RBMS3: variants seen among roughly 807,000 people sequenced by gnomAD.
RBMS3 encodes RNA-binding motif, single-stranded-interacting protein 3.
A neutral mutation model predicts 66.8 loss-of-function variants in RBMS3; 27 were observed. The observed-to-expected ratio is 0.40, with a 90% CI of 0.30 to 0.56. The LOEUF is 0.56. Among genes scored for constraint, RBMS3 ranks in the 20% least tolerant of loss-of-function variants. RBMS3 has a pLI of 0.40. For synonymous variants in RBMS3, 188 were observed against 183.0 expected, an observed-to-expected ratio of 1.03 and a Z score of -0.22; for missense variants, 513 against 549.5, an observed-to-expected ratio of 0.93 and a Z score of 0.66.
chr3:29,662,690 C>T (rs1398947565), intron 4 of RBMS3, among the ~76,000 whole-genome samples: 2 of 152,138 alleles, frequency 1.3e-5, no homozygotes, highest in Admixed American at 6.5e-5. Context: ...ATCCTATCCA[C>T]GTGATTCTAC....
At chr3:29,798,530 A>C (rs2057288185) in intron 6 of RBMS3, among the ~76,000 whole-genome samples, 1 of 152,142 alleles carries the variant, frequency 6.6e-6, no homozygotes, top group African/African-American at 2.4e-5. Context: ...CTCTTCTTTT[A>C]ATTTATTGGC....
At chr3:29,980,434 T>C (rs1697909462) in intron 12 of RBMS3, among the ~76,000 whole-genome samples, 1 of 152,210 alleles carries the variant, frequency 6.6e-6, no homozygotes, top group African/African-American at 2.4e-5. Flanking sequence ...CTCTTTAGTT[T>C]AATTAGATTC....
chr3:29,822,143 C>CT (rs915188312), intron 6 of RBMS3, among the ~76,000 whole-genome samples: 5 of 152,140 alleles, frequency 3.3e-5, no homozygotes, highest in Non-Finnish European at 7.4e-5. Context: ...AGGTGCTTCT[C>CT]TTTTTTTCAC....
chr3:29,573,473 A>G (rs981917501), intron 3 of RBMS3, among the ~76,000 whole-genome samples: 38 of 151,312 alleles, frequency 2.5e-4, no homozygotes, highest in African/African-American at 8.7e-4. Flanking sequence ...TTTTTTCTTC[A>G]TTAGTCTGGC....
chr3:29,539,788 T>C (rs6775407), intron 3 of RBMS3, among the ~76,000 whole-genome samples: 46,243 of 152,086 alleles, frequency 0.3, 8,704 homozygotes, highest in African/African-American at 0.52. Flanking sequence ...AGTTCAACAT[T>C]ATCAAAATTT....
chr3:29,550,260 A>G (rs192460462), intron 3 of RBMS3, among the ~76,000 whole-genome samples: 1 of 152,324 alleles, frequency 6.6e-6, no homozygotes, highest in African/African-American at 2.4e-5. Context: ...ACTCCCTTCC[A>G]TCTGGTAAGT....
intron 3 of RBMS3, among the ~76,000 whole-genome samples, chr3:29,536,803 C>G (rs949754052): frequency 6.6e-6 from 1 of 152,200 alleles, no homozygotes; most frequent in African/African-American, 2.4e-5. Context: ...GCCTGTGTCT[C>G]TTGCTACTTA....
chr3:29,288,894 C>A (rs12486191), intron 1 of RBMS3, among the ~76,000 whole-genome samples: 7,214 of 152,022 alleles, frequency 0.047, 223 homozygotes, highest in South Asian at 0.075. Context: ...GGCATATAAA[C>A]AAGAACATTA....
chr3:29,750,027 A>G (rs2055101266), intron 5 of RBMS3, among the ~76,000 whole-genome samples: 1 of 152,240 alleles, frequency 6.6e-6, no homozygotes, highest in Non-Finnish European at 1.5e-5. Context: ...AGCTATGAAT[A>G]GCTGAAAAGA....
intron 6 of RBMS3, among the ~76,000 whole-genome samples, chr3:29,771,860 G>A (rs2149396080): frequency 6.6e-6 from 1 of 152,074 alleles, no homozygotes; most frequent in African/African-American, 2.4e-5. Context: ...CAGATCTTGT[G>A]AGAACTCATT....
At chr3:29,365,047 C>T (rs531036216) in intron 1 of RBMS3, among the ~76,000 whole-genome samples, 29 of 152,080 alleles carry the variant, frequency 1.9e-4, no homozygotes, top group African/African-American at 7.0e-4. Context: ...AATGGAATAT[C>T]GTATAAAATT....
chr3:29,497,140 G>T (rs998500112), intron 3 of RBMS3, among the ~76,000 whole-genome samples: 2 of 151,954 alleles, frequency 1.3e-5, no homozygotes, highest in Non-Finnish European at 2.9e-5. Context: ...CTCTCAGGTA[G>T]CTGGGACTAC....
chr3:29,930,097 T>TTTTCTTTA (rs1553702192), intron 10 of RBMS3, among the ~76,000 whole-genome samples: 25 of 75,152 alleles, frequency 3.3e-4, no homozygotes, highest in Middle Eastern at 9.3e-3. Context: ...TTTGTGTCAC[T>TTTTCTTTA]TTTCTTTCTT....
chr3:29,612,237 T>C (rs2048517913), intron 4 of RBMS3, among the ~76,000 whole-genome samples: 1 of 152,078 alleles, frequency 6.6e-6, no homozygotes, highest in Admixed American at 6.6e-5. Context: ...ATTGCACATA[T>C]ATATATTTTC....
chr3:29,915,356 A>C (rs13061629), intron 10 of RBMS3, among the ~76,000 whole-genome samples: 2,066 of 151,944 alleles, frequency 0.014, 22 homozygotes, highest in East Asian at 0.077. Flanking sequence ...ATGTGTTTCC[A>C]ATGGCCAACT....
intron 6 of RBMS3, among the ~76,000 whole-genome samples, chr3:29,818,949 A>G (rs1002380573): frequency 6.6e-6 from 1 of 152,192 alleles, no homozygotes; most frequent in Non-Finnish European, 1.5e-5. Flanking sequence ...AATGCAAAGA[A>G]GTGGACTCTA....
At chr3:29,490,306 C>T (rs1336587914) in intron 3 of RBMS3, among the ~76,000 whole-genome samples, 1 of 151,418 alleles carries the variant, frequency 6.6e-6, no homozygotes, top group Non-Finnish European at 1.5e-5. Flanking sequence ...GGCTTTAAAG[C>T]CATAGTACAA....
intron 4 of RBMS3, chr3:29,642,827 G>A (rs948420358): frequency 6.6e-6 from 1 of 152,092 alleles, no homozygotes; most frequent in Admixed American, 6.6e-5. Context: ...ATATCTTGTT[G>A]ACCTTGATTT....
At chr3:29,974,147 T>C (rs1697403650) in intron 12 of RBMS3, among the ~76,000 whole-genome samples, 1 of 151,944 alleles carries the variant, frequency 6.6e-6, no homozygotes, top group Non-Finnish European at 1.5e-5. Flanking sequence ...AAGACTTAAA[T>C]GTTACCTCAA....
Sources: allele counts gnomAD v4.1 joint callset (sites outside exome capture counted in the v4.1 genomes callset), GRCh38; gene constraint gnomAD v4.1.1; transcripts MANE v1.5; gene names NCBI Gene and HGNC (gene_info 2026-07-23, HGNC 2026-07-21).